Variants in UBE2W observed in about 807,000 individuals in gnomAD.
UBE2W encodes ubiquitin conjugating enzyme E2 W.
A neutral mutation model predicts 27.2 loss-of-function variants in UBE2W; 18 were observed. The ratio of observed to expected loss-of-function variants is 0.66; its 90% CI spans 0.46 to 0.98. The LOEUF is 0.98. Among genes scored for constraint, UBE2W ranks in the 50% least tolerant of loss-of-function variants. UBE2W has a pLI of 0.00. For synonymous variants in UBE2W, 53 were observed against 57.2 expected (o/e 0.93, Z 0.33); for missense variants, 90 against 180.2 (o/e 0.50, Z 2.87).
At chr8:73,872,573 T>C (rs1812045357) in intron 1 of UBE2W, among the ~76,000 whole-genome samples, 1 of 152,210 alleles carries the variant, frequency 6.6e-6, no homozygotes. Flanking sequence ...ATTTGGAAAG[T>C]GACTTACTCA....
intron 1 of UBE2W, among the ~76,000 whole-genome samples, chr8:73,856,115 CTAAG>C (rs1220877591): frequency 1.3e-5 from 2 of 151,986 alleles, no homozygotes; most frequent in African/African-American, 2.4e-5. Flanking sequence ...TCCAAAAAAA[CTAAG>C]TAATAAATTT....
chr8:73,862,386 T>C (rs1478817283), intron 1 of UBE2W, among the ~76,000 whole-genome samples: 1 of 152,222 alleles, frequency 6.6e-6, no homozygotes, highest in East Asian at 1.9e-4. Flanking sequence ...GCTAGCCAGT[T>C]TTCCCAGCAC....
intron 1 of UBE2W, among the ~76,000 whole-genome samples, chr8:73,844,379 C>T (rs1338876360): frequency 1.3e-5 from 2 of 152,226 alleles, no homozygotes; most frequent in Non-Finnish European, 2.9e-5. Context: ...CAGCTCCTGA[C>T]CGTGAGTGAT....
intron 1 of UBE2W, among the ~76,000 whole-genome samples, chr8:73,856,509 C>T (rs1054234785): frequency 6.6e-6 from 1 of 151,884 alleles, no homozygotes; most frequent in African/African-American, 2.4e-5. Context: ...GGATTACAGG[C>T]ATGAGCCACC....
At chr8:73,801,235 A>G (rs964841772) in intron 5 of UBE2W, among the ~76,000 whole-genome samples, 2 of 152,222 alleles carry the variant, frequency 1.3e-5, no homozygotes, top group Admixed American at 6.5e-5. Flanking sequence ...TTCTTAGATG[A>G]AAGACTTCTC....
chr8:73,864,944 C>CA (rs1563632336), intron 1 of UBE2W, among the ~76,000 whole-genome samples: 1 of 151,828 alleles, frequency 6.6e-6, no homozygotes, highest in African/African-American at 2.4e-5. Flanking sequence ...AACTCACAGC[C>CA]AAAAGCACTA....
intron 5 of UBE2W, among the ~76,000 whole-genome samples, 179 bp downstream of exon 5, chr8:73,805,472 C>CAAAAAAAAAAAAAAACAAAAAAAAAA: frequency 2.1e-4 from 9 of 43,670 alleles, no homozygotes; most frequent in Non-Finnish European, 4.0e-4. Flanking sequence ...AAAAAAAAAA[C>CAAAAAAAAAAAAAAACAAAAAAAAAA]AAAAAAAACT....
chr8:73,784,212 T>C (rs898687359), downstream of UBE2W, among the ~76,000 whole-genome samples: 2 of 152,180 alleles, frequency 1.3e-5, no homozygotes, highest in African/African-American at 4.8e-5. Flanking sequence ...CTGAATTCTT[T>C]CTTGGACTCC....
intron 1 of UBE2W, among the ~76,000 whole-genome samples, chr8:73,844,381 G>T (rs181042057): frequency 1.9e-3 from 287 of 152,334 alleles, no homozygotes; most frequent in Non-Finnish European, 3.1e-3. Context: ...GCTCCTGACC[G>T]TGAGTGATCT....
chr8:73,833,141 C>T (rs1320953935), intron 1 of UBE2W, among the ~76,000 whole-genome samples: 9 of 145,588 alleles, frequency 6.2e-5, no homozygotes, highest in African/African-American at 2.1e-4. Context: ...GCTGAGACTG[C>T]GCCACTGCAC....
intron 4 of UBE2W, 100 bp from the exon 5 acceptor site, chr8:73,805,826 AC>A (rs1394761623): frequency 8.3e-6 from 5 of 602,830 alleles, no homozygotes; most frequent in African/African-American, 5.5e-5. Flanking sequence ...TGCATAAAAA[AC>A]AATATAAACA....
chr8:73,816,243 C>A (rs977064193), intron 3 of UBE2W, among the ~76,000 whole-genome samples: 1 of 152,176 alleles, frequency 6.6e-6, no homozygotes, highest in Non-Finnish European at 1.5e-5. Context: ...GTTCTTTTAG[C>A]CTACTAGTCT....
intron 3 of UBE2W, among the ~76,000 whole-genome samples, chr8:73,816,994 A>T (rs1028435452): frequency 6.6e-6 from 1 of 151,978 alleles, no homozygotes; most frequent in Non-Finnish European, 1.5e-5. Flanking sequence ...AGATTGCGCC[A>T]CTTCACTCCA....
chr8:73,856,107 C>CA (rs1238552585), intron 1 of UBE2W, among the ~76,000 whole-genome samples: 1 of 151,722 alleles, frequency 6.6e-6, no homozygotes, highest in Non-Finnish European at 1.5e-5. Flanking sequence ...TAAAATGTTC[C>CA]AAAAAAACTA....
intron 3 of UBE2W, among the ~76,000 whole-genome samples, chr8:73,811,745 A>C (rs1481241753): frequency 6.6e-6 from 1 of 152,116 alleles, no homozygotes; most frequent in Non-Finnish European, 1.5e-5. Context: ...ACTGCCTCAT[A>C]CCCAAGTACA....
rs1808253227 is a variant in UBE2W at position 73,792,718 on chromosome 8, A to G, written c.*1384T>C. The G allele has an allele frequency of 1.0e-6, 1 of 984,528 alleles. No individual in the cohort carries two copies. The highest frequency in any genetic ancestry group is 1.2e-6 in the Non-Finnish European group (1 of 828,820). 61.0% of individuals were successfully genotyped at this position (984,528 alleles called of 1,614,324 possible). ...GAAAAGGTAATTTATAAAATACATT[A>G]ATCACTTTTTAAAAAGAACTTAGTT... On this transcript the variant is annotated 3_prime_UTR_variant, in exon 6 of 6. Coordinates refer to ENST00000602593, the MANE Select transcript of UBE2W (RefSeq NM_018299.6).
intron 4 of UBE2W, among the ~76,000 whole-genome samples, chr8:73,808,115 A>G (rs951013212): frequency 6.6e-6 from 1 of 152,234 alleles, no homozygotes; most frequent in South Asian, 2.1e-4. Context: ...CCAAACACCT[A>G]AAGTAAAATA....
intron 1 of UBE2W, among the ~76,000 whole-genome samples, chr8:73,866,484 G>T (rs1237448374): frequency 6.6e-6 from 1 of 150,384 alleles, no homozygotes; most frequent in Non-Finnish European, 1.5e-5. Context: ...ACTTCAAATG[G>T]AAAACAAGCT....
At chr8:73,827,480 C>T (rs916569334) in intron 2 of UBE2W, among the ~76,000 whole-genome samples, 5 of 152,190 alleles carry the variant, frequency 3.3e-5, no homozygotes, top group Admixed American at 3.3e-4. Flanking sequence ...TCCCAAAGTG[C>T]TGGGATTACA....
Sources: gnomAD v4.1 joint callset for allele counts (sites outside exome capture counted in the v4.1 genomes callset) on GRCh38, gnomAD v4.1.1 for gene constraint, MANE v1.5 for transcripts, NCBI Gene and HGNC (gene_info 2026-07-23, HGNC 2026-07-21) for gene names.